SMC6: variants seen among roughly 807,000 people sequenced by gnomAD.
SMC6 encodes structural maintenance of chromosomes protein 6.
In SMC6, 79 loss-of-function variants were observed where a neutral mutation model predicts 142.2. The observed-to-expected ratio is 0.56, with a 90% CI of 0.46 to 0.67. The LOEUF (loss-of-function observed/expected upper bound fraction) is 0.67. Among genes scored for constraint, SMC6 ranks in the 30% least tolerant of loss-of-function variants. The pLI is 0.00. For synonymous variants in SMC6, 411 were observed against 412.4 expected (o/e 1.00, Z 0.04); for missense variants, 1,072 against 1,284.0 (o/e 0.83, Z 2.52).
chr2:17,726,460 G>A lies in SMC6; in HGVS notation c.553C>T (p.Pro185Ser). 6.2e-7 allele frequency: 1 copy of A among 1,609,920 alleles called. No homozygotes were observed. Among genetic ancestry groups the A allele is most frequent in the Non-Finnish European group, 8.5e-7 (1 of 1,178,956 alleles). Residue 185 changes from proline (P) to serine (S), a missense_variant, in exon 8 of 28, where the codon CCA becomes TCA. This residue lies in a region of SMC6 where 994 missense variants were observed against 1,153.2 expected (regional missense o/e 0.86). Transcript: ENST00000448223. ...LDHFNIQVDN[P>S]VSVLTQEMSK... ...ATTTCTTGTGTTAAAACAGAAACTG[G>A]ATTATCCACCTCAAACAAACAAAAA...
intron 2 of SMC6, among the ~76,000 whole-genome samples, chr2:17,749,703 A>G (rs997378375): frequency 2.6e-5 from 4 of 152,270 alleles, no homozygotes; most frequent in African/African-American, 9.6e-5. Flanking sequence ...GAAAAAAAAA[A>G]TTAATAACCA....
chr2:17,723,816 T>G (rs1669488819), intron 9 of SMC6, among the ~76,000 whole-genome samples: 1 of 152,220 alleles, frequency 6.6e-6, no homozygotes, highest in Admixed American at 6.5e-5. Flanking sequence ...AACTTAATAT[T>G]GACTGAATGA....
chr2:17,703,164 T>TGGTA lies in SMC6; in HGVS notation c.2134_2135insTACC (p.Glu712ValfsTer13). The TGGTA allele has an allele frequency of 7.0e-7, 1 of 1,428,988 alleles. No homozygotes were observed. Among genetic ancestry groups the TGGTA allele is most frequent in the Non-Finnish European group, 9.6e-7 (1 of 1,037,378 alleles). 88.5% of individuals were successfully genotyped at this position (1,428,988 alleles called of 1,614,324 possible). A position where few individuals can be genotyped will look rare whatever the true frequency, so the allele number is the denominator to read the frequency against. On this transcript the variant is annotated frameshift_variant, in exon 19 of 28. Transcript: ENST00000448223. LOFTEE classifies it high-confidence loss of function. ...TTATTATTATTTTTTTACCTTTAGT[T>TGGTA]CTTTATAATGTAGTTGGCACCTTTT... is the stretch of plus-strand genomic sequence containing the variant.
At position 17,717,133 on chromosome 2, in the gene SMC6, T is replaced by C; in HGVS notation, c.1136A>G (p.Lys379Arg). Residue 379 changes from lysine to arginine, a missense_variant, in exon 13 of 28, where the codon AAA becomes AGA. By Grantham distance (26) the Lys-to-Arg change is conservative. Around this residue, in one of 3 missense-constraint regions of SMC6, gnomAD observed 994 missense variants for 1,153.2 expected, o/e 0.86. Coordinates refer to ENST00000448223, the MANE Select transcript of SMC6 (RefSeq NM_001142286.2). ...TCGTTTACAAAGCTGCTCATCATCTTTCTTTAATGCTTTATATTCGTTTAA... is the reference window on the plus strand; with the variant it reads ...TCGTTTACAAAGCTGCTCATCATCTCTCTTTAATGCTTTATATTCGTTTAA... ...RSLNEYKALK[K>R]DDEQLCKRIE... 3.1e-6 allele frequency: 5 copies of C among 1,612,688 alleles called. No individual in the cohort carries two copies. Among genetic ancestry groups the C allele is most frequent in the Non-Finnish European group, 4.2e-6 (5 of 1,179,694 alleles).
rs542686577 is a variant in SMC6 at position 17,729,867 on chromosome 2, A to T, written c.543+1211T>A. ...CACAATTTCAAGTTAGTCAAGAACC[A>T]CATGTGGCTAGTGGTTACCCCACTG... On this transcript the variant is annotated intron_variant, in intron 7 of 27. Transcript: ENST00000448223. 3.8e-4 allele frequency among the ~76,000 whole-genome samples: 58 copies of T among 152,348 alleles called. 1 individual carries two copies. The highest frequency in any genetic ancestry group is 3.4e-3 in the Middle Eastern group (1 of 294).
chr2:17,695,187 T>C lies in SMC6; in HGVS notation c.2643A>G (p.Glu881=), dbSNP rs986336543. The C allele has an allele frequency of 1.2e-6, 2 of 1,613,580 alleles. No homozygotes were observed. Among genetic ancestry groups the C allele is most frequent in the African/African-American group, 2.7e-5 (2 of 74,916 alleles). Residue 881 remains glutamate (E), a synonymous_variant, in exon 23 of 28, where the codon GAA becomes GAG. Coordinates refer to ENST00000448223, the MANE Select transcript of SMC6 (RefSeq NM_001142286.2). ...INRLRQKIQA[E]HASHGDREEI... Reference sequence around the variant, plus strand: ...CCTCTCGATCTCCATGACTAGCATGTTCTGCCTGTATCTTCTGCCTTAATC... The same window carrying C: ...CCTCTCGATCTCCATGACTAGCATGCTCTGCCTGTATCTTCTGCCTTAATC...
chr2:17,698,451 A>T (rs1668115987), intron 21 of SMC6, among the ~76,000 whole-genome samples: 1 of 152,002 alleles, frequency 6.6e-6, no homozygotes, highest in Non-Finnish European at 1.5e-5. Context: ...TTTTTGGTGG[A>T]CTGAACCTTT....
chr2:17,693,939 G>A (rs755811438), intron 23 of SMC6, among the ~76,000 whole-genome samples: 1 of 147,416 alleles, frequency 6.8e-6, no homozygotes, highest in Non-Finnish European at 1.5e-5. Flanking sequence ...GACAGAGGCT[G>A]CAGTGAGCCG....
At chr2:17,733,882 G>A (rs1023277490) in intron 5 of SMC6, among the ~76,000 whole-genome samples, 3 of 152,214 alleles carry the variant, frequency 2.0e-5, no homozygotes, top group African/African-American at 7.2e-5. Flanking sequence ...GACTAGGACA[G>A]TAAGACTTAT....
chr2:17,664,238 GCA>G lies in SMC6; in HGVS notation c.*1259_*1260del, dbSNP rs1448949248. On this transcript the variant is annotated 3_prime_UTR_variant, in exon 28 of 28. Transcript: ENST00000448223. ...CAGTGGGAAATGTTTAAAATATTCA[GCA>G]CACACTTTCCTCCTCCTGGAAATTC... 1 of 152,184 alleles carries G rather than the reference GCA, an allele frequency of 6.6e-6. No individual in the cohort carries two copies. Among genetic ancestry groups the G allele is most frequent in the Non-Finnish European group, 1.5e-5 (1 of 68,026 alleles). 9.4% of individuals were successfully genotyped at this position (152,184 alleles called of 1,614,324 possible).
intron 22 of SMC6, among the ~76,000 whole-genome samples, 194 bp downstream of exon 22, chr2:17,696,095 T>C (rs976002679): frequency 6.6e-6 from 1 of 152,198 alleles, no homozygotes; most frequent in East Asian, 1.9e-4. Flanking sequence ...TGTCAGAGTC[T>C]TGCCTATTTA....
At chr2:17,691,234 A>G (rs1020476774) in intron 23 of SMC6, among the ~76,000 whole-genome samples, 3 of 16,816 alleles carry the variant, frequency 1.8e-4, no homozygotes, top group African/African-American at 3.6e-4. Flanking sequence ...AAATGTGTAT[A>G]CACACACACA....
intron 18 of SMC6, among the ~76,000 whole-genome samples, chr2:17,705,446 T>C (rs1055774244): frequency 1.3e-5 from 2 of 151,840 alleles, no homozygotes; most frequent in Admixed American, 6.6e-5. Context: ...CACTTGCCTG[T>C]ACTCCCAGGT....
chr2:17,713,414 C>A (rs1343524100), intron 16 of SMC6: 2 of 465,940 alleles, frequency 4.3e-6, no homozygotes, highest in East Asian at 1.4e-4. Context: ...CATTATGACA[C>A]ATACACTGGA....
At chr2:17,671,947 C>G (rs1053959051) in intron 25 of SMC6, among the ~76,000 whole-genome samples, 5 of 152,148 alleles carry the variant, frequency 3.3e-5, no homozygotes, top group African/African-American at 1.2e-4. Context: ...CAATACTTTT[C>G]AATTCACTGT....
chr2:17,701,809 A>G lies in SMC6; in HGVS notation c.2223+20T>C. 2 of 1,456,942 alleles carry G rather than the reference A, an allele frequency of 1.4e-6. No homozygotes were observed. Among genetic ancestry groups the G allele is most frequent in the Non-Finnish European group, 1.9e-6 (2 of 1,062,190 alleles). 90.3% of individuals were successfully genotyped at this position (1,456,942 alleles called of 1,614,324 possible). A position where few individuals can be genotyped will look rare whatever the true frequency, so the allele number is the denominator to read the frequency against. ...CTTTACCCTTTAATATTACATTTAA[A>G]TTGAAAAAAAGTATTTTACCAAAGT... On this transcript the variant is annotated intron_variant, in intron 20 of 27. Transcript: ENST00000448223.
At chr2:17,677,271 C>T (rs1311607595) in intron 25 of SMC6, among the ~76,000 whole-genome samples, 1 of 152,122 alleles carries the variant, frequency 6.6e-6, no homozygotes, top group African/African-American at 2.4e-5. Context: ...GGCTCACAGT[C>T]AATAAGGGAG....
In SMC6 at chr2:17,721,361, T is replaced by A. The variant is rs1038914708; in HGVS notation, c.727-100A>T. The A allele has an allele frequency of 9.9e-6, 11 of 1,115,074 alleles. No individual in the cohort carries two copies. The African/African-American group carries it at 1.3e-4, about 13-fold the overall frequency. 69.1% of individuals were successfully genotyped at this position (1,115,074 alleles called of 1,614,324 possible). A position where few individuals can be genotyped will look rare whatever the true frequency, so the allele number is the denominator to read the frequency against. ...TTAAAAACAATGCCTAAACAAGTAC[T>A]ACATAAATATTCGTTTAAAAATAAC... On this transcript the variant is annotated intron_variant, in intron 9 of 27. Coordinates refer to ENST00000448223, the MANE Select transcript of SMC6 (RefSeq NM_001142286.2).
intron 27 of SMC6, among the ~76,000 whole-genome samples, 162 bp downstream of exon 27, chr2:17,666,258 T>C (rs1666490880): frequency 6.6e-6 from 1 of 152,218 alleles, no homozygotes; most frequent in Non-Finnish European, 1.5e-5. Context: ...TTTAAATATC[T>C]CAAAAAGAGA....
Sources: allele counts gnomAD v4.1 joint callset (sites outside exome capture counted in the v4.1 genomes callset), GRCh38; gene constraint gnomAD v4.1.1; regional missense constraint gnomAD v4.1.1; transcripts MANE v1.5; gene names NCBI Gene and HGNC (gene_info 2026-07-23, HGNC 2026-07-21).